CTNNBIP1: variants seen among roughly 807,000 people sequenced by gnomAD.
CTNNBIP1 encodes catenin beta interacting protein 1, also known as beta-catenin-interacting protein 1.
Under a neutral mutation model 11.8 loss-of-function variants are expected in CTNNBIP1, and 7 were observed. That is an observed-to-expected ratio of 0.60 (90% CI 0.34 to 1.12). CTNNBIP1 has a LOEUF of 1.12. CTNNBIP1 is among the 50% of genes most tolerant of loss of function. The probability of loss-of-function intolerance (pLI) is 0.03; values close to 1 mark genes in which losing one functional copy is unlikely to be tolerated. For synonymous variants in CTNNBIP1, 58 were observed against 43.9 expected (o/e 1.32, Z -1.26); for missense variants, 101 against 113.4 (o/e 0.89, Z 0.50).
At chr1:9,858,591 C>G (rs1042104921) in intron 5 of CTNNBIP1, among the ~76,000 whole-genome samples, 4 of 152,182 alleles carry the variant, frequency 2.6e-5, no homozygotes, top group African/African-American at 9.7e-5. Context: ...TCCCTGAACA[C>G]AACTTCTAAA....
Position 9,860,361 on chromosome 1 carries a change from C to T in CTNNBIP1, c.188-9585G>A, listed in dbSNP as rs138391105. Among the ~76,000 whole-genome samples, 290 of 131,170 alleles carry T rather than the reference C, an allele frequency of 2.2e-3. 2 individuals carry two copies. The highest frequency in any genetic ancestry group is 7.6e-3 in the African/African-American group (266 of 35,122). 86.1% of individuals were successfully genotyped at this position (131,170 alleles called of 152,430 possible). The stretch of plus-strand genomic sequence containing the variant: ...ATCCCAGCAATTTAAGATGCTGAGG[C>T]GGGTGGATCACCTGAGGTCAGGAGT... On this transcript the variant is annotated intron_variant, in intron 5 of 5. Coordinates refer to ENST00000377263, the MANE Select transcript of CTNNBIP1 (RefSeq NM_020248.3).
At chr1:9,894,529 T>C (rs1366931141) in intron 1 of CTNNBIP1, among the ~76,000 whole-genome samples, 2 of 151,000 alleles carry the variant, frequency 1.3e-5, no homozygotes, top group Non-Finnish European at 3.0e-5. Flanking sequence ...CTGCTTTTTT[T>C]TTTTCTTTTC....
chr1:9,855,583 A>G (rs575583524), intron 5 of CTNNBIP1, among the ~76,000 whole-genome samples: 130 of 152,340 alleles, frequency 8.5e-4, no homozygotes, highest in Middle Eastern at 3.4e-3. Flanking sequence ...TCACATGCAC[A>G]GGATGAAATT....
chr1:9,872,245 T>C lies in CTNNBIP1; in HGVS notation c.-24-157A>G, dbSNP rs567835128. Among the ~76,000 whole-genome samples, 4 of 152,348 alleles carry C rather than the reference T, an allele frequency of 2.6e-5. No individual in the cohort carries two copies. Among genetic ancestry groups the C allele is most frequent in the Non-Finnish European group, 5.9e-5 (4 of 68,030 alleles). ...GGCAGGTGGCGAGGTGCTGGGTTCC[T>C]TTCTCACCCATGCTGGTCCCAGCAG... On this transcript the variant is annotated intron_variant, in intron 3 of 5. Coordinates refer to ENST00000377263, the MANE Select transcript of CTNNBIP1 (RefSeq NM_020248.3). The surrounding 1 kb of genome is among the most constrained non-coding windows in gnomAD (Gnocchi z 4.0).
At chr1:9,868,525 T>A (rs961510575) in intron 5 of CTNNBIP1, among the ~76,000 whole-genome samples, 2 of 152,254 alleles carry the variant, frequency 1.3e-5, no homozygotes, top group African/African-American at 4.8e-5. Context: ...TAACTTTCCC[T>A]TATGACAAAG....
At chr1:9,897,829 A>T (rs1639441665) in intron 1 of CTNNBIP1, among the ~76,000 whole-genome samples, 1 of 151,976 alleles carries the variant, frequency 6.6e-6, no homozygotes, top group Non-Finnish European at 1.5e-5. Context: ...TAAAAGAAAT[A>T]AAAAAATTTG....
At chr1:9,865,416 C>A (rs372361508) in intron 5 of CTNNBIP1, among the ~76,000 whole-genome samples, 2 of 151,782 alleles carry the variant, frequency 1.3e-5, no homozygotes, top group African/African-American at 4.8e-5. Context: ...CTGGCTAACA[C>A]GGTGAAACCC....
In CTNNBIP1 at chr1:9,899,526, C is replaced by T. The variant is rs532157172; in HGVS notation, c.-144+10569G>A. 4.7e-5 allele frequency among the ~76,000 whole-genome samples: 7 copies of T among 148,896 alleles called. No individual in the cohort carries two copies. In the East Asian group the frequency reaches 1.2e-3, roughly 25 times the overall value. On this transcript the variant is annotated intron_variant, in intron 1 of 5. Coordinates refer to ENST00000377263, the MANE Select transcript of CTNNBIP1 (RefSeq NM_020248.3). ...CTGTAATCCCAGCACTTTGGGAGGC[C>T]GAGGTGGGTAGGTCACAAGGTCAGG... is the stretch of plus-strand genomic sequence containing the variant.
intron 1 of CTNNBIP1, among the ~76,000 whole-genome samples, chr1:9,885,798 C>T (rs1639176486): frequency 6.6e-6 from 1 of 151,978 alleles, no homozygotes. Context: ...ACAAAATTAG[C>T]CGTGTTGGTA....
chr1:9,860,450 A>AC (rs1439486824), intron 5 of CTNNBIP1, among the ~76,000 whole-genome samples: 2 of 150,700 alleles, frequency 1.3e-5, no homozygotes, highest in Non-Finnish European at 3.0e-5. Context: ...AAAAAAAAAA[A>AC]AAAACAAAAC....
At chr1:9,908,838 T>C (rs534460301) in intron 1 of CTNNBIP1, among the ~76,000 whole-genome samples, 2 of 152,252 alleles carry the variant, frequency 1.3e-5, no homozygotes, top group South Asian at 2.1e-4. Flanking sequence ...CCCCAGTACT[T>C]GGAACGGTGC....
chr1:9,874,212 C>T (rs72858017), intron 3 of CTNNBIP1, among the ~76,000 whole-genome samples: 3,289 of 152,286 alleles, frequency 0.022, 117 homozygotes, highest in African/African-American at 0.075. Context: ...TGGGTGTCCC[C>T]TAAGCCAGGA....
At chr1:9,873,578 G>A (rs898854865) in intron 3 of CTNNBIP1, among the ~76,000 whole-genome samples, 1 of 152,120 alleles carries the variant, frequency 6.6e-6, no homozygotes, top group African/African-American at 2.4e-5. Context: ...ACACAGCCTT[G>A]TGGGGTGAAC....
At chr1:9,854,930 G>C (rs932245190) in intron 5 of CTNNBIP1, among the ~76,000 whole-genome samples, 35 of 152,088 alleles carry the variant, frequency 2.3e-4, no homozygotes, top group African/African-American at 8.5e-4. Context: ...GCCCACCTTG[G>C]CCTCCCAAAG....
At chr1:9,877,016 C>T (rs1286969752) in intron 3 of CTNNBIP1, among the ~76,000 whole-genome samples, 1 of 152,212 alleles carries the variant, frequency 6.6e-6, no homozygotes, top group African/African-American at 2.4e-5. Context: ...CAGGCCACAA[C>T]ACGTTCTCAG....
At chr1:9,877,639 T>C (rs1240330408) in intron 3 of CTNNBIP1, among the ~76,000 whole-genome samples, 3 of 152,216 alleles carry the variant, frequency 2.0e-5, no homozygotes, top group African/African-American at 4.8e-5. Context: ...TACAATGCCA[T>C]AGAATTGGTG....
chr1:9,910,264 G>T lies in CTNNBIP1; in HGVS notation c.-313C>A. On this transcript the variant is annotated 5_prime_UTR_variant, in exon 1 of 6. Transcript: ENST00000377263. ...CTCCCGCTCCGAGAGTCACCGCGGTGGGGAGGGAGGGAGGCGCCAGGCCGC... is the reference window on the plus strand; with the variant it reads ...CTCCCGCTCCGAGAGTCACCGCGGTTGGGAGGGAGGGAGGCGCCAGGCCGC... The T allele has an allele frequency of 6.8e-6, 1 of 147,910 alleles. No homozygotes were observed. The highest frequency in any genetic ancestry group is 1.9e-4 in the South Asian group (1 of 5,324). The allele number at this position is 147,910 out of a possible 1,614,324, so 9.2% of individuals were successfully genotyped here. A position where few individuals can be genotyped will look rare whatever the true frequency, so the allele number is the denominator to read the frequency against.
intron 2 of CTNNBIP1, among the ~76,000 whole-genome samples, chr1:9,879,581 C>G (rs188326617): frequency 6.6e-6 from 1 of 152,186 alleles, no homozygotes; most frequent in African/African-American, 2.4e-5. Flanking sequence ...ACTAACCCTA[C>G]GGGAATAGGC....
chr1:9,882,719 T>A (rs1639109479), intron 2 of CTNNBIP1, among the ~76,000 whole-genome samples: 1 of 145,966 alleles, frequency 6.9e-6, no homozygotes, highest in Non-Finnish European at 1.5e-5. Flanking sequence ...CCAGGAGGAG[T>A]GTAAGAGTGG....
Sources: allele counts gnomAD v4.1 joint callset (sites outside exome capture counted in the v4.1 genomes callset), GRCh38; gene constraint gnomAD v4.1.1; non-coding constraint Gnocchi (gnomAD v3.1); transcripts MANE v1.5; gene names NCBI Gene and HGNC (gene_info 2026-07-23, HGNC 2026-07-21).